CLSTN2: variants seen among roughly 807,000 people sequenced by gnomAD.
CLSTN2 encodes the protein calsyntenin-2.
In CLSTN2, 48 loss-of-function variants were observed where a neutral mutation model predicts 101.2. The ratio of observed to expected loss-of-function variants is 0.47; its 90% CI spans 0.38 to 0.60. The LOEUF (loss-of-function observed/expected upper bound fraction) is 0.60. Ranked by LOEUF, CLSTN2 falls within the 20% of genes least tolerant of loss-of-function variation. The pLI is 0.00. For missense variants in CLSTN2, 1,160 were observed against 1,238.2 expected (o/e 0.94, Z 0.95); for synonymous variants, 481 against 463.6 (o/e 1.04, Z -0.48).
chr3:140,014,838 CT>C (rs1193494646), intron 1 of CLSTN2, among the ~76,000 whole-genome samples: 1 of 152,122 alleles, frequency 6.6e-6, no homozygotes, highest in East Asian at 1.9e-4. Flanking sequence ...GGATTTTTCT[CT>C]GAAATGGGAG....
intron 1 of CLSTN2, among the ~76,000 whole-genome samples, chr3:140,038,304 T>G (rs1030558334): frequency 6.6e-6 from 1 of 152,148 alleles, no homozygotes; most frequent in Non-Finnish European, 1.5e-5. Context: ...ATCAGTGATG[T>G]TGAGCTTTTT....
chr3:139,991,533 A>G (rs902014989), intron 1 of CLSTN2, among the ~76,000 whole-genome samples: 1 of 152,244 alleles, frequency 6.6e-6, no homozygotes, highest in African/African-American at 2.4e-5. Flanking sequence ...CTTTGTCCCA[A>G]GAAGACATAG....
intron 2 of CLSTN2, among the ~76,000 whole-genome samples, chr3:140,246,974 C>T (rs550397166): frequency 2.6e-5 from 4 of 152,212 alleles, no homozygotes; most frequent in South Asian, 4.2e-4. Flanking sequence ...ATCAGGATTC[C>T]TGGTGCTCAA....
chr3:140,266,529 A>G (rs1198423753), intron 2 of CLSTN2, among the ~76,000 whole-genome samples: 1 of 152,178 alleles, frequency 6.6e-6, no homozygotes, highest in African/African-American at 2.4e-5. Context: ...AGAGCTATTC[A>G]AAGATGCATC....
At chr3:140,135,139 T>C (rs1281906759) in intron 1 of CLSTN2, among the ~76,000 whole-genome samples, 24 of 124,994 alleles carry the variant, frequency 1.9e-4, no homozygotes, top group South Asian at 9.6e-4. Context: ...TATATATATA[T>C]ATATATATAT....
At chr3:140,202,338 G>A (rs1334274506) in intron 2 of CLSTN2, among the ~76,000 whole-genome samples, 1 of 152,166 alleles carries the variant, frequency 6.6e-6, no homozygotes, top group Non-Finnish European at 1.5e-5. Flanking sequence ...TGGGATTGTG[G>A]GTGGGTATGT....
intron 8 of CLSTN2, among the ~76,000 whole-genome samples, chr3:140,493,792 A>T (rs1559885860): frequency 6.6e-6 from 1 of 152,190 alleles, no homozygotes; most frequent in Non-Finnish European, 1.5e-5. Context: ...TAGATGGGAG[A>T]CCTATGAGAA....
chr3:140,155,926 A>T (rs749497397), intron 1 of CLSTN2, among the ~76,000 whole-genome samples: 4 of 150,914 alleles, frequency 2.7e-5, no homozygotes, highest in Non-Finnish European at 4.4e-5. Flanking sequence ...TAAGAAGCTG[A>T]CATTAATATC....
intron 1 of CLSTN2, among the ~76,000 whole-genome samples, chr3:139,975,785 A>C (rs552261789): frequency 2.1e-4 from 32 of 152,288 alleles, no homozygotes; most frequent in Middle Eastern, 6.8e-3. Context: ...ACCTCTCTGC[A>C]GTGAATGGAT....
chr3:140,142,393 C>A (rs1484173551), intron 1 of CLSTN2, among the ~76,000 whole-genome samples: 1 of 152,038 alleles, frequency 6.6e-6, no homozygotes, highest in Non-Finnish European at 1.5e-5. Context: ...CTGTTCAGGC[C>A]CACACTGGGG....
intron 2 of CLSTN2, among the ~76,000 whole-genome samples, chr3:140,194,642 G>C (rs2010619499): frequency 6.6e-6 from 1 of 152,084 alleles, no homozygotes; most frequent in African/African-American, 2.4e-5. Context: ...TTTCTGTTTT[G>C]GTTAGCTTTT....
intron 1 of CLSTN2, among the ~76,000 whole-genome samples, chr3:140,135,117 C>CATATATATATATATATAT (rs66931848): frequency 3.4e-5 from 2 of 58,118 alleles, no homozygotes; most frequent in Non-Finnish European, 6.0e-5. Flanking sequence ...CACACACACA[C>CATATATATATATATATAT]ATATATATAT....
At chr3:140,339,249 A>G (rs985059662) in intron 2 of CLSTN2, among the ~76,000 whole-genome samples, 2 of 152,188 alleles carry the variant, frequency 1.3e-5, no homozygotes, top group African/African-American at 4.8e-5. Flanking sequence ...TGAAATTTCA[A>G]GAATCCTTCC....
intron 1 of CLSTN2, among the ~76,000 whole-genome samples, chr3:140,131,262 T>A (rs1417746310): frequency 6.6e-6 from 1 of 151,576 alleles, no homozygotes; most frequent in Non-Finnish European, 1.5e-5. Context: ...TTCTTTCAAA[T>A]CCAAAATTTT....
intron 1 of CLSTN2, among the ~76,000 whole-genome samples, chr3:139,984,640 C>T (rs1321576603): frequency 6.6e-6 from 1 of 152,168 alleles, no homozygotes; most frequent in African/African-American, 2.4e-5. Context: ...TCCAACTCCT[C>T]TGACCCTTGT....
At chr3:140,445,419 G>A (rs572048273) in intron 5 of CLSTN2, among the ~76,000 whole-genome samples, 20 of 152,260 alleles carry the variant, frequency 1.3e-4, no homozygotes, top group African/African-American at 4.6e-4. Flanking sequence ...CAGAGAAAAG[G>A]CCTCCAGAGA....
At chr3:140,245,016 C>G (rs1428286936) in intron 2 of CLSTN2, among the ~76,000 whole-genome samples, 1 of 152,222 alleles carries the variant, frequency 6.6e-6, no homozygotes, top group Non-Finnish European at 1.5e-5. Flanking sequence ...GTACTCCAAA[C>G]TTGCCTCCCT....
chr3:140,075,926 A>AC (rs796172199), intron 1 of CLSTN2, among the ~76,000 whole-genome samples: 9 of 152,110 alleles, frequency 5.9e-5, no homozygotes. Context: ...TAAAAAAAAA[A>AC]AATTGTAGTA....
At chr3:140,431,895 G>A (rs921607313) in intron 5 of CLSTN2, among the ~76,000 whole-genome samples, 17 of 152,220 alleles carry the variant, frequency 1.1e-4, no homozygotes, top group Admixed American at 1.1e-3. Flanking sequence ...TATTTTGTAA[G>A]ATTGTTAAGA....
Sources: gnomAD v4.1 joint callset for allele counts (sites outside exome capture counted in the v4.1 genomes callset) on GRCh38, gnomAD v4.1.1 for gene constraint, MANE v1.5 for transcripts, NCBI Gene and HGNC (gene_info 2026-07-23, HGNC 2026-07-21) for gene names.